The following CDADC1 variants were observed in gnomAD, a reference collection of about 807,000 sequenced individuals.
The protein encoded by CDADC1 is dCTP deaminase.
A neutral mutation model predicts 54.9 loss-of-function variants in CDADC1; 39 were observed. The observed-to-expected ratio is 0.71, with a 90% CI of 0.55 to 0.93. The LOEUF is 0.93. Among genes scored for constraint, CDADC1 ranks in the 40% least tolerant of loss-of-function variants. The pLI, the probability that CDADC1 is intolerant of heterozygous loss-of-function variation, is 0.00. For synonymous variants in CDADC1, 186 were observed against 204.0 expected (o/e 0.91, Z 0.75); for missense variants, 518 against 618.8 (o/e 0.84, Z 1.73).
intron 9 of CDADC1, among the ~76,000 whole-genome samples, chr13:49,288,069 A>G (rs1427414663): frequency 6.6e-6 from 1 of 152,152 alleles, no homozygotes. Context: ...AAGGGCTTGT[A>G]TCTAGGATTT....
chr13:49,288,630 G>A (rs1027727921), intron 9 of CDADC1, among the ~76,000 whole-genome samples: 2 of 152,288 alleles, frequency 1.3e-5, no homozygotes, highest in African/African-American at 2.4e-5. Context: ...TACAACACCA[G>A]CTTTGTTGTT....
intron 7 of CDADC1, among the ~76,000 whole-genome samples, chr13:49,279,215 T>A (rs1402559613): frequency 6.6e-6 from 1 of 152,172 alleles, no homozygotes; most frequent in African/African-American, 2.4e-5. Context: ...GGAGAGCTTC[T>A]AATGCAATAG....
At chr13:49,277,852 C>G (rs892670630) in intron 6 of CDADC1, among the ~76,000 whole-genome samples, 2 of 152,072 alleles carry the variant, frequency 1.3e-5, no homozygotes, top group African/African-American at 4.8e-5. Context: ...ACATTTTTAG[C>G]CCAACAGAAA....
At chr13:49,274,023 A>T (rs2138236255) in intron 5 of CDADC1, among the ~76,000 whole-genome samples, 1 of 152,304 alleles carries the variant, frequency 6.6e-6, no homozygotes, top group Non-Finnish European at 1.5e-5. Flanking sequence ...GAGGGACCTG[A>T]CTGTGGACAC....
chr13:49,287,281 ATTTTT>A (rs1196659311), intron 9 of CDADC1, among the ~76,000 whole-genome samples: 1 of 152,212 alleles, frequency 6.6e-6, no homozygotes, highest in African/African-American at 2.4e-5. Context: ...GATAATAACA[ATTTTT>A]TAACCTTGAA....
chr13:49,253,949 C>T (rs746230568), intron 2 of CDADC1, among the ~76,000 whole-genome samples: 1 of 152,212 alleles, frequency 6.6e-6, no homozygotes, highest in Non-Finnish European at 1.5e-5. Context: ...GACAATGGAT[C>T]TTGGGCTGGA....
intron 7 of CDADC1, among the ~76,000 whole-genome samples, chr13:49,280,190 G>GT (rs1450770637): frequency 2.0e-5 from 3 of 151,990 alleles, no homozygotes; most frequent in African/African-American, 7.3e-5. Flanking sequence ...AGCATTGGGG[G>GT]TTTTTTCTCT....
chr13:49,264,276 T>C (rs1466007340), intron 4 of CDADC1, among the ~76,000 whole-genome samples: 1 of 152,154 alleles, frequency 6.6e-6, no homozygotes, highest in Non-Finnish European at 1.5e-5. Context: ...AGATAGAAAT[T>C]ATGCATGATT....
At chr13:49,260,754 G>A (rs929879293) in intron 4 of CDADC1, among the ~76,000 whole-genome samples, 5 of 152,230 alleles carry the variant, frequency 3.3e-5, no homozygotes, top group Middle Eastern at 3.4e-3. Flanking sequence ...AACTAATGTG[G>A]TTCCTAATCT....
rs1953752471 is a variant in CDADC1, at chr13:49,292,901, A to C, written c.*1144A>C. ...ATCACACGGCCTCACTGGGCTTCCT[A>C]CCAGTTTCTCAGAATTACACGCACG... is the stretch of plus-strand genomic sequence containing the variant. On this transcript the variant is annotated 3_prime_UTR_variant, in exon 10 of 10. Coordinates refer to ENST00000251108, the MANE Select transcript of CDADC1 (RefSeq NM_030911.4). 1.4e-6 allele frequency: 1 copy of C among 690,958 alleles called. No individual in the cohort carries two copies. Among genetic ancestry groups the C allele is most frequent in the Non-Finnish European group, 2.1e-6 (1 of 480,756 alleles). The allele number at this position is 690,958 out of a possible 1,614,324, so 42.8% of individuals were successfully genotyped here.
Position 49,292,805 on chromosome 13 carries a change from C to A in CDADC1, c.*1048C>A. 1.6e-6 allele frequency: 2 copies of A among 1,279,682 alleles called. No homozygotes were observed. The highest frequency in any genetic ancestry group is 2.0e-6 in the Non-Finnish European group (2 of 984,232). 79.3% of individuals were successfully genotyped at this position (1,279,682 alleles called of 1,614,324 possible). On this transcript the variant is annotated 3_prime_UTR_variant, in exon 10 of 10. Transcript: ENST00000251108. ...TAGAGAGGGGTGGCCTGGGGTGCTT[C>A]ATGAGAAATGTCTTCCTGGATCTGC...
chr13:49,251,934 AAAAT>A (rs1952442964), intron 2 of CDADC1, among the ~76,000 whole-genome samples: 2 of 152,226 alleles, frequency 1.3e-5, no homozygotes, highest in South Asian at 2.1e-4. Context: ...TTTCTAAATG[AAAAT>A]AAATAAGTCT....
chr13:49,251,719 A>G (rs58348334), intron 2 of CDADC1, among the ~76,000 whole-genome samples: 1,629 of 152,340 alleles, frequency 0.011, 21 homozygotes, highest in African/African-American at 0.037. Context: ...GGATCTGAGA[A>G]AACTGAGATG....
intron 3 of CDADC1, 21 bp downstream of exon 3, chr13:49,255,934 A>G (rs1185374660): frequency 1.9e-6 from 3 of 1,605,102 alleles, no homozygotes; most frequent in Non-Finnish European, 1.7e-6. Context: ...ATGATTTCAC[A>G]TATATATGCT....
Position 49,276,896 on chromosome 13 carries a change from C to G in CDADC1, c.1051-1454C>G, listed in dbSNP as rs114915324. Reference sequence around the variant, plus strand: ...TCTCATTTGTGTGTACATGAATGCTCAGCAGACTTTTGGCTTAACATCTGG... The same window carrying G: ...TCTCATTTGTGTGTACATGAATGCTGAGCAGACTTTTGGCTTAACATCTGG... On this transcript the variant is annotated intron_variant, in intron 6 of 9. Transcript: ENST00000251108. Among the ~76,000 whole-genome samples the G allele has an allele frequency of 5.0e-3, 763 of 152,278 alleles. 7 individuals are homozygous for G. Among genetic ancestry groups the G allele is most frequent in the African/African-American group, 0.017 (718 of 41,556 alleles).
chr13:49,248,912 C>T lies in CDADC1; in HGVS notation c.124C>T (p.Leu42Phe). 2 of 1,613,018 alleles carry T rather than the reference C, an allele frequency of 1.2e-6. No individual in the cohort carries two copies. Among genetic ancestry groups the T allele is most frequent in the South Asian group, 2.2e-5 (2 of 91,062 alleles). ...TTCTAAAGTCAACCTTTTCACTCTGCTCAGCCTCTGGATGGAGCTCTTTCC... is the reference window on the plus strand; with the variant it reads ...TTCTAAAGTCAACCTTTTCACTCTGTTCAGCCTCTGGATGGAGCTCTTTCC... ...RLSKVNLFTL[L>F]SLWMELFPAE... Residue 42 changes from leucine (L) to phenylalanine (F), a missense_variant, in exon 2 of 10, where the codon CTC becomes TTC. Coordinates refer to ENST00000251108, the MANE Select transcript of CDADC1 (RefSeq NM_030911.4).
chr13:49,262,477 T>C (rs898253367), intron 4 of CDADC1, among the ~76,000 whole-genome samples: 1 of 152,054 alleles, frequency 6.6e-6, no homozygotes, highest in Non-Finnish European at 1.5e-5. Flanking sequence ...ACTACATTCA[T>C]ACTAATGGTA....
rs558591617 is a variant in CDADC1 at position 49,256,030 on chromosome 13, C to G, written c.252+117C>G. The G allele has an allele frequency of 1.9e-5, 26 of 1,351,080 alleles. No homozygotes were observed. In the South Asian group the frequency reaches 2.7e-4, roughly 14 times the overall value. 83.7% of individuals were successfully genotyped at this position (1,351,080 alleles called of 1,614,324 possible). A position where few individuals can be genotyped will look rare whatever the true frequency, so the allele number is the denominator to read the frequency against. ...TCAAGGGAGTTTTTAAAATACTCTT[C>G]TAAAAATGGTCTGTATATTTACAAG... On this transcript the variant is annotated intron_variant, in intron 3 of 9. Transcript: ENST00000251108.
In CDADC1 at chr13:49,267,560, T is replaced by C; in HGVS notation, c.501T>C (p.Ser167=). Residue 167 remains serine (S), a synonymous_variant, in exon 5 of 10, where the codon TCT becomes TCC. Coordinates refer to ENST00000251108, the MANE Select transcript of CDADC1 (RefSeq NM_030911.4). ...GTTTGCTTACGGAGGCTTCTAGTTCTGAAGATGCAAAGTTAGATGCCAAAG... is the reference window on the plus strand; with the variant it reads ...GTTTGCTTACGGAGGCTTCTAGTTCCGAAGATGCAAAGTTAGATGCCAAAG... ...EISLLTEASS[S]EDAKLDAKAV... The C allele has an allele frequency of 1.2e-6, 2 of 1,614,156 alleles. No homozygotes were observed. Among genetic ancestry groups the C allele is most frequent in the African/African-American group, 2.7e-5 (2 of 75,056 alleles).
Sources: allele counts gnomAD v4.1 joint callset (sites outside exome capture counted in the v4.1 genomes callset), GRCh38; gene constraint gnomAD v4.1.1; transcripts MANE v1.5; gene names NCBI Gene and HGNC (gene_info 2026-07-23, HGNC 2026-07-21).